STX8: variants seen among roughly 807,000 people sequenced by gnomAD.
STX8 encodes syntaxin-8.
STX8 carries 23 observed loss-of-function variants against 37.5 expected under a neutral mutation model. The observed-to-expected ratio is 0.61, with a 90% CI of 0.44 to 0.87. The LOEUF (loss-of-function observed/expected upper bound fraction) is 0.87. Among genes scored for constraint, STX8 ranks in the 40% least tolerant of loss-of-function variants. STX8 has a pLI of 0.00. For missense variants in STX8, 313 were observed against 284.7 expected, an observed-to-expected ratio of 1.10 and a Z score of -0.71; for synonymous variants, 115 against 99.1, an observed-to-expected ratio of 1.16 and a Z score of -0.95.
intron 5 of STX8, among the ~76,000 whole-genome samples, chr17:9,494,615 C>CA (rs35806606): frequency 0.64 from 41,281 of 64,260 alleles, 16,642 homozygotes; most frequent in Middle Eastern, 0.78. Context: ...GAACCTGTCT[C>CA]AAAAAAAAAA....
intron 4 of STX8, among the ~76,000 whole-genome samples, chr17:9,513,278 A>G (rs1359775761): frequency 1.4e-5 from 2 of 144,016 alleles, no homozygotes; most frequent in African/African-American, 5.2e-5. Flanking sequence ...TGGGAGGATT[A>G]CTTAAGCCTG....
At chr17:9,574,972 T>C (rs942677184) in intron 1 of STX8, among the ~76,000 whole-genome samples, 2 of 152,234 alleles carry the variant, frequency 1.3e-5, no homozygotes, top group South Asian at 2.1e-4. Flanking sequence ...AATTATAAAC[T>C]ATATTAGAAA....
chr17:9,298,975 C>A (rs1908666494), intron 7 of STX8, among the ~76,000 whole-genome samples: 1 of 152,166 alleles, frequency 6.6e-6, no homozygotes, highest in Admixed American at 6.5e-5. Context: ...CAGTCTGTGA[C>A]CAATTAGCCA....
chr17:9,333,865 G>A (rs4470184), intron 7 of STX8, among the ~76,000 whole-genome samples: 147,771 of 152,268 alleles, frequency 0.97, 71,854 homozygotes, highest in East Asian at 1. Context: ...TAACTGCCCA[G>A]TGGGTTCACC....
At chr17:9,473,550 A>G (rs1270810099) in intron 6 of STX8, among the ~76,000 whole-genome samples, 1 of 152,212 alleles carries the variant, frequency 6.6e-6, no homozygotes, top group Non-Finnish European at 1.5e-5. Context: ...TAGATTACTC[A>G]TAATCCCTAA....
chr17:9,367,290 G>A (rs911520184), intron 7 of STX8, among the ~76,000 whole-genome samples: 1 of 151,856 alleles, frequency 6.6e-6, no homozygotes, highest in African/African-American at 2.4e-5. Flanking sequence ...TTCCCATTGA[G>A]GATGTCAAAG....
chr17:9,527,096 G>T (rs370503804), intron 4 of STX8, among the ~76,000 whole-genome samples: 1 of 140,272 alleles, frequency 7.1e-6, no homozygotes, highest in Non-Finnish European at 1.5e-5. Context: ...GGAGAATGGC[G>T]TGAACCCGGG....
At chr17:9,571,326 G>C (rs1567614322) in intron 1 of STX8, among the ~76,000 whole-genome samples, 1 of 152,124 alleles carries the variant, frequency 6.6e-6, no homozygotes, top group Non-Finnish European at 1.5e-5. Context: ...ACTGGTATGG[G>C]GTTTGTCCTG....
intron 7 of STX8, among the ~76,000 whole-genome samples, chr17:9,304,507 CAAAAAAAAAAAAA>C (rs35673905): frequency 1.8e-5 from 1 of 56,890 alleles, no homozygotes; most frequent in South Asian, 6.5e-4. Context: ...GAAACTGTCT[CAAAAAAAAAAAAA>C]AAAAAAAAAG....
intron 6 of STX8, among the ~76,000 whole-genome samples, chr17:9,384,465 C>T (rs996527843): frequency 1.3e-5 from 2 of 151,928 alleles, no homozygotes; most frequent in African/African-American, 4.8e-5. Context: ...GGTGAAACCC[C>T]GTCTCTACTA....
chr17:9,572,261 CGA>C (rs1419778480), intron 1 of STX8, among the ~76,000 whole-genome samples: 2 of 152,262 alleles, frequency 1.3e-5, no homozygotes, highest in Non-Finnish European at 2.9e-5. Context: ...TGTTAAACAG[CGA>C]GCTTACCACT....
intron 6 of STX8, among the ~76,000 whole-genome samples, chr17:9,460,037 A>C (rs755674896): frequency 5.3e-5 from 8 of 152,234 alleles, no homozygotes; most frequent in Non-Finnish European, 1.0e-4. Flanking sequence ...AGGGCACAGA[A>C]GGCCATGTTT....
rs1164799565 is a variant in STX8 at position 9,300,830 on chromosome 17, C to CTTTTTTTTTTTTTTT, written c.644-50200_644-50186dup. On this transcript the variant is annotated intron_variant, in intron 7 of 7. Coordinates refer to ENST00000306357, the MANE Select transcript of STX8 (RefSeq NM_004853.3). ...TGAGATGGGACATTCTTATTTTGTT[C>CTTTTTTTTTTTTTTT]TTTTTTTTTTTTTTTTTTTTTTGAG... 4.6e-4 allele frequency among the ~76,000 whole-genome samples: 42 copies of CTTTTTTTTTTTTTTT among 90,902 alleles called. 1 individual carries two copies. Among genetic ancestry groups the CTTTTTTTTTTTTTTT allele is most frequent in the Non-Finnish European group, 5.6e-4 (27 of 48,204 alleles). The allele number at this position is 90,902 out of a possible 152,430, so 59.6% of individuals were successfully genotyped here.
chr17:9,407,726 T>C (rs1912849429), intron 6 of STX8, among the ~76,000 whole-genome samples: 1 of 152,158 alleles, frequency 6.6e-6, no homozygotes, highest in Non-Finnish European at 1.5e-5. Flanking sequence ...GAATTTAAAC[T>C]TTTTCTGGTT....
chr17:9,358,129 G>A (rs996149377), intron 7 of STX8, among the ~76,000 whole-genome samples: 7 of 152,226 alleles, frequency 4.6e-5, no homozygotes, highest in Non-Finnish European at 7.3e-5. Flanking sequence ...GGCCAAGGTA[G>A]ATCGTTTGAA....
At chr17:9,324,858 C>T (rs191850692) in intron 7 of STX8, among the ~76,000 whole-genome samples, 6 of 151,632 alleles carry the variant, frequency 4.0e-5, no homozygotes, top group South Asian at 2.1e-4. Context: ...AACAGGGATA[C>T]GAATGGTCCC....
intron 6 of STX8, among the ~76,000 whole-genome samples, chr17:9,479,481 C>G (rs1309473690): frequency 5.3e-5 from 8 of 151,242 alleles, no homozygotes; most frequent in African/African-American, 1.9e-4. Context: ...TTGCAGTGAG[C>G]TGAGATCGTG....
chr17:9,550,637 T>G (rs1399542561), intron 3 of STX8, among the ~76,000 whole-genome samples: 1 of 152,174 alleles, frequency 6.6e-6, no homozygotes, highest in Non-Finnish European at 1.5e-5. Context: ...TGATACCTAC[T>G]ACCAGCATGC....
At chr17:9,459,704 A>T (rs1905294824) in intron 6 of STX8, among the ~76,000 whole-genome samples, 1 of 151,972 alleles carries the variant, frequency 6.6e-6, no homozygotes. Flanking sequence ...TTCAGTAGAG[A>T]TGGGGTTTCA....
Sources: gnomAD v4.1 joint callset for allele counts (sites outside exome capture counted in the v4.1 genomes callset) on GRCh38, gnomAD v4.1.1 for gene constraint, MANE v1.5 for transcripts, NCBI Gene and HGNC (gene_info 2026-07-23, HGNC 2026-07-21) for gene names.